Variants in KCNH7 observed in about 807,000 individuals in gnomAD.
KCNH7 encodes potassium voltage-gated channel subfamily H member 7, also known as voltage-gated inwardly rectifying potassium channel KCNH7.
In KCNH7, 49 loss-of-function variants were observed where a neutral mutation model predicts 120.8. The ratio of observed to expected loss-of-function variants is 0.41; its 90% confidence interval spans 0.32 to 0.51. KCNH7 has a LOEUF of 0.51. Ranked by LOEUF, KCNH7 falls within the 20% of genes least tolerant of loss-of-function variation. KCNH7 has a pLI of 0.38. For missense variants in KCNH7, 1,097 were observed against 1,446.6 expected (o/e 0.76, Z 3.92); for synonymous variants, 547 against 516.1 (o/e 1.06, Z -0.81).
At chr2:162,751,231 T>C (rs1406227626) in intron 2 of KCNH7, among the ~76,000 whole-genome samples, 1 of 152,178 alleles carries the variant, frequency 6.6e-6, no homozygotes, top group Non-Finnish European at 1.5e-5. Context: ...AAAGTAGAAA[T>C]TCAGGCTGTG....
chr2:162,488,743 C>G (rs1690191276), intron 6 of KCNH7, among the ~76,000 whole-genome samples: 1 of 152,186 alleles, frequency 6.6e-6, no homozygotes, highest in Non-Finnish European at 1.5e-5. Context: ...TTCTTCCTTT[C>G]TAATAAACTT....
intron 2 of KCNH7, among the ~76,000 whole-genome samples, chr2:162,538,279 G>A (rs924243508): frequency 1.3e-5 from 2 of 151,920 alleles, no homozygotes. Flanking sequence ...TGTATTTTAT[G>A]TGTGGCCCAA....
At chr2:162,414,119 C>T (rs1377206595) in intron 9 of KCNH7, among the ~76,000 whole-genome samples, 2 of 151,722 alleles carry the variant, frequency 1.3e-5, no homozygotes, top group Non-Finnish European at 2.9e-5. Context: ...AACCATAACA[C>T]CCAGCGCTAG....
intron 2 of KCNH7, among the ~76,000 whole-genome samples, chr2:162,572,820 T>TC (rs1441426855): frequency 1.7e-4 from 25 of 150,684 alleles, no homozygotes; most frequent in African/African-American, 5.6e-4. Flanking sequence ...CACCGCATAT[T>TC]CTCACTCATA....
intron 2 of KCNH7, among the ~76,000 whole-genome samples, chr2:162,570,361 T>G (rs1693423537): frequency 6.6e-6 from 1 of 151,980 alleles, no homozygotes; most frequent in Non-Finnish European, 1.5e-5. Context: ...ACCCTTGCCT[T>G]TTTTTGTTTT....
chr2:162,527,002 G>A (rs1431556315), intron 3 of KCNH7, among the ~76,000 whole-genome samples: 1 of 151,922 alleles, frequency 6.6e-6, no homozygotes, highest in Non-Finnish European at 1.5e-5. Context: ...CACAATCCAC[G>A]TTCTTCTGCC....
intron 5 of KCNH7, among the ~76,000 whole-genome samples, chr2:162,510,060 G>C (rs1691017438): frequency 1.3e-5 from 2 of 151,432 alleles, no homozygotes; most frequent in South Asian, 4.2e-4. Flanking sequence ...GATGGAGGTA[G>C]GATTAGGTAC....
At chr2:162,670,018 T>C (rs1574245508) in intron 2 of KCNH7, among the ~76,000 whole-genome samples, 1 of 152,182 alleles carries the variant, frequency 6.6e-6, no homozygotes, top group African/African-American at 2.4e-5. Context: ...GAGAATCACT[T>C]GAACCCAGGA....
intron 2 of KCNH7, among the ~76,000 whole-genome samples, chr2:162,667,955 A>C (rs577452745): frequency 6.6e-6 from 1 of 152,220 alleles, no homozygotes; most frequent in African/African-American, 2.4e-5. Context: ...TGATTAAAGT[A>C]GATAACATTG....
intron 6 of KCNH7, among the ~76,000 whole-genome samples, chr2:162,470,498 C>A (rs1240556718): frequency 5.3e-5 from 8 of 151,706 alleles, no homozygotes; most frequent in Non-Finnish European, 1.0e-4. Context: ...AAGTGAGGAG[C>A]CCCTCTGCCG....
intron 2 of KCNH7, among the ~76,000 whole-genome samples, chr2:162,760,230 A>G (rs908746512): frequency 1.1e-4 from 17 of 152,098 alleles, no homozygotes; most frequent in African/African-American, 4.1e-4. Flanking sequence ...CACCTTGCAT[A>G]ATTTTCTAAA....
At chr2:162,513,272 T>C (rs1263389365) in intron 4 of KCNH7, among the ~76,000 whole-genome samples, 1 of 129,576 alleles carries the variant, frequency 7.7e-6, no homozygotes, top group Non-Finnish European at 1.6e-5. Context: ...CTTCCTTCCC[T>C]CCTTCCCTCC....
At chr2:162,663,482 C>T (rs1685038113) in intron 2 of KCNH7, among the ~76,000 whole-genome samples, 1 of 152,074 alleles carries the variant, frequency 6.6e-6, no homozygotes, top group Admixed American at 6.6e-5. Context: ...CTTACAGTAA[C>T]ACATGATTCT....
At chr2:162,726,554 G>T (rs1687527911) in intron 2 of KCNH7, among the ~76,000 whole-genome samples, 1 of 151,996 alleles carries the variant, frequency 6.6e-6, no homozygotes, top group South Asian at 2.1e-4. Context: ...TGAGAAGCTG[G>T]GATTACAGGT....
chr2:162,667,303 G>A (rs917689191), intron 2 of KCNH7, among the ~76,000 whole-genome samples: 4 of 152,042 alleles, frequency 2.6e-5, no homozygotes, highest in Non-Finnish European at 4.4e-5. Flanking sequence ...TTACAGGCGT[G>A]AGCCACCATG....
chr2:162,437,086 A>C (rs1032135306), intron 7 of KCNH7, among the ~76,000 whole-genome samples: 2 of 152,162 alleles, frequency 1.3e-5, no homozygotes, highest in Non-Finnish European at 2.9e-5. Context: ...GTGCCACTGC[A>C]CTCAAGCCTG....
chr2:162,816,397 T>C (rs1430820866), intron 2 of KCNH7, among the ~76,000 whole-genome samples: 1 of 152,098 alleles, frequency 6.6e-6, no homozygotes, highest in Non-Finnish European at 1.5e-5. Context: ...TTGACTTTCA[T>C]TAAAATGGTC....
intron 15 of KCNH7, among the ~76,000 whole-genome samples, chr2:162,373,148 A>G (rs1455696217): frequency 6.6e-6 from 1 of 152,148 alleles, no homozygotes; most frequent in African/African-American, 2.4e-5. Context: ...CAGGAAGACT[A>G]TTCCTTAGAT....
At chr2:162,491,086 G>A (rs1360094155) in intron 6 of KCNH7, among the ~76,000 whole-genome samples, 4 of 152,138 alleles carry the variant, frequency 2.6e-5, no homozygotes, top group Admixed American at 2.6e-4. Context: ...CAATCTCGGG[G>A]GCCAAGGCCC....
Sources: gnomAD v4.1 joint callset for allele counts (sites outside exome capture counted in the v4.1 genomes callset) on GRCh38, gnomAD v4.1.1 for gene constraint, MANE v1.5 for transcripts, NCBI Gene and HGNC (gene_info 2026-07-23, HGNC 2026-07-21) for gene names.